The following ANKRD24 variants were observed in gnomAD, a reference collection of about 807,000 sequenced individuals.
ANKRD24 encodes the protein ankyrin repeat domain 24, also known as ankyrin repeat domain-containing protein 24.
Under a neutral mutation model 127.8 loss-of-function variants are expected in ANKRD24, and 109 were observed. The ratio of observed to expected loss-of-function variants is 0.85; its 90% confidence interval spans 0.73 to 1.00. ANKRD24 has a LOEUF of 1.00. Ranked by LOEUF, ANKRD24 falls within the 50% of genes least tolerant of loss-of-function variation. The pLI is 0.00. For synonymous variants in ANKRD24, 743 were observed against 671.1 expected, an observed-to-expected ratio of 1.11 and a Z score of -1.66; for missense variants, 1,648 against 1,570.2, an observed-to-expected ratio of 1.05 and a Z score of -0.84.
In ANKRD24 at chr19:4,204,258, C is replaced by T. The variant is rs143923561; in HGVS notation, c.466+1332C>T. 5.5e-3 allele frequency among the ~76,000 whole-genome samples: 828 copies of T among 151,638 alleles called. 6 individuals are homozygous for T. Among genetic ancestry groups the T allele is most frequent in the African/African-American group, 0.018 (763 of 41,440 alleles). ...GGATTACAGGCGTGAGCCACCGTGCCGGCCCTTCTCCTTTTTTATTACCTA... is the reference window on the plus strand; with the variant it reads ...GGATTACAGGCGTGAGCCACCGTGCTGGCCCTTCTCCTTTTTTATTACCTA... On this transcript the variant is annotated intron_variant, in intron 7 of 21. Transcript: ENST00000318934.
In ANKRD24 at chr19:4,217,524, G is replaced by T; in HGVS notation, c.2364G>T (p.Arg788=). Residue 788 remains arginine (R), a synonymous_variant, in exon 18 of 22, where the codon CGG becomes CGT. Transcript: ENST00000318934. Reference sequence around the variant, plus strand: ...GTGGCGGTGACACCACACAGCTGCGGGCGGCCCTGGAGCAGGCCCGGGAGG... The same window carrying T: ...GTGGCGGTGACACCACACAGCTGCGTGCGGCCCTGGAGCAGGCCCGGGAGG... ...GGGGGDTTQL[R]AALEQAREDL... is the part of the protein sequence containing the mutation. 7.3e-7 allele frequency: 1 copy of T among 1,366,324 alleles called. No homozygotes were observed. The highest frequency in any genetic ancestry group is 2.7e-4 in the Middle Eastern group (1 of 3,674). The allele number at this position is 1,366,324 out of a possible 1,614,324, so 84.6% of individuals were successfully genotyped here.
chr19:4,207,939 A>G lies in ANKRD24; in HGVS notation c.803A>G (p.Glu268Gly). The G allele has an allele frequency of 6.5e-7, 1 of 1,533,116 alleles. No individual in the cohort carries two copies. 95.0% of individuals were successfully genotyped at this position (1,533,116 alleles called of 1,614,324 possible). ...AAACTCATCCTGCACCTTCTGCAAG[A>G]GGCGGCCCAGCGCCCCTCCCCACCC... ...GDKLILHLLQ[E>G]AAQRPSPPSA... The change falls in exon 10 of 22, where the codon GAG becomes GGG. Residue 268 changes from glutamate (E) to glycine (G), a missense_variant. Transcript: ENST00000318934.
chr19:4,214,797 T>C (rs1969964607), intron 15 of ANKRD24, among the ~76,000 whole-genome samples: 1 of 152,126 alleles, frequency 6.6e-6, no homozygotes, highest in Non-Finnish European at 1.5e-5. Context: ...GAGGTTGCAG[T>C]GAGCCAAGAT....
In ANKRD24 at chr19:4,199,824, G is replaced by T. The variant is rs1968986874; in HGVS notation, c.124-51G>T. On this transcript the variant is annotated intron_variant, in intron 3 of 21. Coordinates refer to ENST00000318934, the MANE Select transcript of ANKRD24 (RefSeq NM_001393985.1). This position sits in a 1 kb window ranked among gnomAD's most constrained non-coding sequence, Gnocchi z 5.2. ...CCGGAGCCCCTGTCGGGGGCGTGGG[G>T]AGGGGACAGCAGCCAACACTGCCCC... is the stretch of plus-strand genomic sequence containing the variant. 2.0e-6 allele frequency: 3 copies of T among 1,537,942 alleles called. No homozygotes were observed. Among genetic ancestry groups the T allele is most frequent in the Middle Eastern group, 1.7e-4 (1 of 5,946 alleles).
intron 12 of ANKRD24, 61 bp from the exon 13 acceptor site, chr19:4,210,204 T>A: frequency 6.4e-7 from 1 of 1,564,250 alleles, no homozygotes; most frequent in Non-Finnish European, 8.7e-7. Flanking sequence ...GGGCTCTGGC[T>A]GAGACCTGGG....
In ANKRD24 at chr19:4,207,522, A is replaced by G; in HGVS notation, c.559A>G (p.Ile187Val). The change falls in exon 9 of 22, where the codon ATA becomes GTA. Residue 187 changes from isoleucine (I) to valine (V), a missense_variant. By Grantham distance (29) the Ile-to-Val change is conservative. Transcript: ENST00000318934. ...QDRSGATPLI[I>V]AAQMCHTDLC... ...CCAGTCAGGCGCAACACCCCTCATT[A>G]TAGCAGCTCAGATGTGTCACACAGA... 3 of 1,613,912 alleles carry G rather than the reference A, an allele frequency of 1.9e-6. No individual in the cohort carries two copies. The highest frequency in any genetic ancestry group is 2.5e-6 in the Non-Finnish European group (3 of 1,179,874).
intron 19 of ANKRD24, among the ~76,000 whole-genome samples, chr19:4,222,111 G>A (rs1363387859): frequency 2.6e-5 from 4 of 152,188 alleles, no homozygotes; most frequent in African/African-American, 4.8e-5. Flanking sequence ...ACTATTGGCC[G>A]GGCGCGGTGG....
At chr19:4,209,451 TTTTG>T (rs1969582739) in intron 11 of ANKRD24, among the ~76,000 whole-genome samples, 2 of 148,320 alleles carry the variant, frequency 1.3e-5, no homozygotes, top group South Asian at 2.1e-4. Flanking sequence ...TGTTTGTTTG[TTTTG>T]TTTATTTTTT....
chr19:4,212,462 T>C lies in ANKRD24; in HGVS notation c.1060-13T>C. The C allele has an allele frequency of 2.5e-6, 4 of 1,575,626 alleles. No individual in the cohort carries two copies. The highest frequency in any genetic ancestry group is 3.4e-6 in the Non-Finnish European group (4 of 1,162,628). On this transcript the variant is annotated splice_polypyrimidine_tract_variant and intron_variant, in intron 13 of 21. Coordinates refer to ENST00000318934, the MANE Select transcript of ANKRD24 (RefSeq NM_001393985.1). ...GCCCAGATCCAAACCCCTGTCCCTG[T>C]TTCTCCCGTCAGTCCCCGGAGGCCA... is the stretch of plus-strand genomic sequence containing the variant.
At chr19:4,222,908 G>T in intron 20 of ANKRD24, 113 bp downstream of exon 20, 1 of 1,274,944 alleles carries the variant, frequency 7.8e-7, no homozygotes, top group Non-Finnish European at 1.0e-6. Flanking sequence ...GGGTAGGCAG[G>T]TGGGGTCCAC....
chr19:4,195,107 C>G lies in ANKRD24; in HGVS notation c.37-4576C>G, dbSNP rs1421700650. Among the ~76,000 whole-genome samples the G allele has an allele frequency of 5.5e-5, 8 of 144,728 alleles. No individual in the cohort carries two copies. Among genetic ancestry groups the G allele is most frequent in the Admixed American group, 2.2e-4 (3 of 13,564 alleles). 94.9% of individuals were successfully genotyped at this position (144,728 alleles called of 152,430 possible). ...TTGTTTTTAGAGAGGGAGTCTCACT[C>G]TGTCACCCAGGTTGGAGTGCAGTGG... is the stretch of plus-strand genomic sequence containing the variant. On this transcript the variant is annotated intron_variant, in intron 2 of 21. Transcript: ENST00000318934. The surrounding 1 kb of genome is among the most constrained non-coding windows in gnomAD (Gnocchi z 4.2).
intron 6 of ANKRD24, 44 bp downstream of exon 6, chr19:4,202,134 C>T (rs1244009426): frequency 3.2e-6 from 5 of 1,561,466 alleles, no homozygotes; most frequent in Non-Finnish European, 4.4e-6. Context: ...GCCCCTACTA[C>T]TCCTGAGTTC....
intron 5 of ANKRD24, among the ~76,000 whole-genome samples, chr19:4,201,619 A>G (rs1474398796): frequency 6.6e-6 from 1 of 152,106 alleles, no homozygotes; most frequent in East Asian, 1.9e-4. Context: ...ACCATGGCTC[A>G]TGTCTGTTAA....
chr19:4,216,082 C>A (rs749729885), intron 16 of ANKRD24, 32 bp downstream of exon 16: 150 of 1,562,162 alleles, frequency 9.6e-5, no homozygotes, highest in Non-Finnish European at 1.1e-4. Context: ...CACTCCCAGC[C>A]GCCTTGTCCC....
chr19:4,215,868 C>T (rs1056647336), intron 15 of ANKRD24, 110 bp from the exon 16 acceptor site: 7 of 795,074 alleles, frequency 8.8e-6, no homozygotes, highest in African/African-American at 5.2e-5. Flanking sequence ...ATCTGGTGCT[C>T]GTGGGAGACA....
chr19:4,224,368 G>C, intron 21 of ANKRD24, 60 bp from the exon 22 acceptor site: 3 of 1,564,328 alleles, frequency 1.9e-6, no homozygotes, highest in South Asian at 1.2e-5. Context: ...GAGTGGTGGA[G>C]GGACTTGGGG....
Position 4,208,756 on chromosome 19 carries a change from C to A in ANKRD24, c.833-8C>A. The A allele has an allele frequency of 6.2e-7, 1 of 1,612,408 alleles. No individual in the cohort carries two copies. Among genetic ancestry groups the A allele is most frequent in the Non-Finnish European group, 8.5e-7 (1 of 1,179,268 alleles). ...AGAATGCCTGACCCTGCTTCCCTCT[C>A]TCCCCAGCCCTCACAGAGGATGATT... On this transcript the variant is annotated splice_polypyrimidine_tract_variant and splice_region_variant and intron_variant, in intron 10 of 21. Coordinates refer to ENST00000318934, the MANE Select transcript of ANKRD24 (RefSeq NM_001393985.1).
intron 20 of ANKRD24, among the ~76,000 whole-genome samples, chr19:4,223,255 A>G (rs994575798): frequency 6.6e-6 from 1 of 150,814 alleles, no homozygotes; most frequent in African/African-American, 2.4e-5. Flanking sequence ...TTTTTTGGAC[A>G]TAGGATCTTG....
Position 4,216,037 on chromosome 19 carries a change from G to T in ANKRD24, c.1257G>T (p.Leu419=). The change falls in exon 16 of 22, where the codon CTG becomes CTT. Residue 419 remains leucine, a synonymous_variant. Transcript: ENST00000318934. ...CCCTGCAGGATGAGGAGGGTGAGCT[G>T]CCTGACCTTCCAGGTGAGCCCCCAC... ...VTTLQDEEGE[L]PDLPGAEVLL... The T allele has an allele frequency of 6.3e-7, 1 of 1,598,828 alleles. No individual in the cohort carries two copies. Among genetic ancestry groups the T allele is most frequent in the Non-Finnish European group, 8.5e-7 (1 of 1,173,414 alleles).
Sources: allele counts gnomAD v4.1 joint callset (sites outside exome capture counted in the v4.1 genomes callset), GRCh38; gene constraint gnomAD v4.1.1; non-coding constraint Gnocchi (gnomAD v3.1); transcripts MANE v1.5; gene names NCBI Gene and HGNC (gene_info 2026-07-23, HGNC 2026-07-21).